PHACTR3: variants seen among roughly 807,000 people sequenced by gnomAD.
PHACTR3 encodes the protein phosphatase and actin regulator 3, also known as protein phosphatase 1, regulatory subunit 123.
A neutral mutation model predicts 66.8 loss-of-function variants in PHACTR3; 16 were observed. That is an observed-to-expected ratio of 0.24 (90% confidence interval 0.16 to 0.36). The LOEUF (loss-of-function observed/expected upper bound fraction) is 0.36, where lower values mean the gene tolerates loss of function less well. Ranked by LOEUF, PHACTR3 falls within the 10% of genes least tolerant of loss-of-function variation. The probability of loss-of-function intolerance (pLI) is 1.00; values close to 1 mark genes in which losing one functional copy is unlikely to be tolerated. For synonymous variants in PHACTR3, 323 were observed against 292.1 expected, an observed-to-expected ratio of 1.11 and a Z score of -1.08; for missense variants, 647 against 719.9, an observed-to-expected ratio of 0.90 and a Z score of 1.16.
intron 7 of PHACTR3, among the ~76,000 whole-genome samples, chr20:59,797,148 T>C (rs1196445651): frequency 6.6e-6 from 1 of 152,198 alleles, no homozygotes; most frequent in Non-Finnish European, 1.5e-5. Flanking sequence ...AATTATTTAT[T>C]GAATTCTTCA....
chr20:59,755,321 C>A lies in PHACTR3; in HGVS notation c.498C>A (p.Ser166=), dbSNP rs1460146428. The change falls in exon 4 of 13, where the codon TCC becomes TCA. Residue 166 remains serine (S), a synonymous_variant. Coordinates refer to ENST00000371015, the MANE Select transcript of PHACTR3 (RefSeq NM_080672.5). Reference sequence around the variant, plus strand: ...TGGCCACTGGGACGGACCAGGTCTCCCTGGACAAGCCACTGTCCTCAGCTG... The same window carrying A: ...TGGCCACTGGGACGGACCAGGTCTCACTGGACAAGCCACTGTCCTCAGCTG... The part of the protein sequence containing the change: ...SPLATGTDQV[S]LDKPLSSAAH... 1 of 1,612,582 alleles carries A rather than the reference C, an allele frequency of 6.2e-7. No homozygotes were observed. The highest frequency in any genetic ancestry group is 8.5e-7 in the Non-Finnish European group (1 of 1,179,920).
chr20:59,834,201 A>G (rs1334378731), intron 8 of PHACTR3, among the ~76,000 whole-genome samples: 1 of 152,026 alleles, frequency 6.6e-6, no homozygotes, highest in Non-Finnish European at 1.5e-5. Flanking sequence ...GGCTTCAGGG[A>G]TTTTTCATTT....
chr20:59,728,046 A>C (rs1251079425), intron 1 of PHACTR3, among the ~76,000 whole-genome samples: 3 of 152,158 alleles, frequency 2.0e-5, no homozygotes. Context: ...TATAGCACAA[A>C]ATTAACTATT....
Position 59,658,500 on chromosome 20 carries a change from AT to A in PHACTR3, c.118+53372del, listed in dbSNP as rs746162907. On this transcript the variant is annotated intron_variant, in intron 1 of 12. Coordinates refer to ENST00000371015, the MANE Select transcript of PHACTR3 (RefSeq NM_080672.5). ...ATGTGTTTTGTGACAGGAATAGGCT[AT>A]TTTAGTGTTTATTTCTACCCACAGT... Among the ~76,000 whole-genome samples, 106 of 152,156 alleles carry A rather than the reference AT, an allele frequency of 7.0e-4. 2 individuals carry two copies. Among genetic ancestry groups the A allele is most frequent in the Non-Finnish European group, 1.6e-4 (11 of 68,000 alleles).
In PHACTR3 at chr20:59,639,437, C is replaced by T. The variant is rs115440636; in HGVS notation, c.118+34305C>T. On this transcript the variant is annotated intron_variant, in intron 1 of 12. Transcript: ENST00000371015. ...TACAGTCAGGGGAAGGCTGTACTGACCACACAAAGTTCCAAGAGGGGACAA... is the reference window on the plus strand; with the variant it reads ...TACAGTCAGGGGAAGGCTGTACTGATCACACAAAGTTCCAAGAGGGGACAA... Among the ~76,000 whole-genome samples, 490 of 152,252 alleles carry T rather than the reference C, an allele frequency of 3.2e-3. 5 individuals are homozygous for T. The highest frequency in any genetic ancestry group is 0.011 in the African/African-American group (475 of 41,538).
intron 1 of PHACTR3, among the ~76,000 whole-genome samples, chr20:59,643,827 A>T (rs1367387905): frequency 3.3e-5 from 5 of 152,094 alleles, no homozygotes; most frequent in Non-Finnish European, 7.4e-5. Context: ...GGGGGTGGGG[A>T]TAGAAGGCCT....
At chr20:59,777,308 A>T (rs1013013390) in intron 7 of PHACTR3, among the ~76,000 whole-genome samples, 5 of 152,222 alleles carry the variant, frequency 3.3e-5, no homozygotes, top group African/African-American at 1.2e-4. Flanking sequence ...TCACTTTCAC[A>T]GGTTCTGGGG....
rs184293133 is a variant in PHACTR3, at chr20:59,582,133, G to A, written c.109+4516G>A. ...ATCCTCCCCCCGCCCGCCACCTTTC[G>A]CCCTTCCCCAGGGAAGCCACTGTTA... On this transcript the variant is annotated intron_variant, in intron 1 of 12. Coordinates refer to the PHACTR3 transcript ENST00000359926. Among the ~76,000 whole-genome samples, 861 of 152,216 alleles carry A rather than the reference G, an allele frequency of 5.7e-3. 29 individuals are homozygous for A. The highest frequency in any genetic ancestry group is 0.05 in the Admixed American group (763 of 15,290).
At chr20:59,622,981 C>CAAAAAAAAAAAAAAAACAAA (rs2034301300) in intron 1 of PHACTR3, among the ~76,000 whole-genome samples, 1 of 32,216 alleles carries the variant, frequency 3.1e-5, no homozygotes, top group African/African-American at 1.4e-4. Flanking sequence ...CAGCTTTAAC[C>CAAAAAAAAAAAAAAAACAAA]AAAAAAAAAA....
At chr20:59,734,843 T>C (rs947675487) in intron 1 of PHACTR3, among the ~76,000 whole-genome samples, 8 of 152,152 alleles carry the variant, frequency 5.3e-5, no homozygotes, top group African/African-American at 1.9e-4. Flanking sequence ...CAACCTCTAA[T>C]ACCCAACTCA....
At chr20:59,663,619 G>A (rs552020174) in intron 1 of PHACTR3, among the ~76,000 whole-genome samples, 14 of 152,318 alleles carry the variant, frequency 9.2e-5, no homozygotes, top group South Asian at 2.1e-4. Flanking sequence ...TTTTCATGGC[G>A]TGTCGACACC....
chr20:59,617,601 T>G (rs1006303066), intron 1 of PHACTR3, among the ~76,000 whole-genome samples: 14 of 152,160 alleles, frequency 9.2e-5, no homozygotes, highest in South Asian at 2.1e-4. Context: ...GTGAAATCTT[T>G]AGCAAGGAGG....
chr20:59,815,418 G>GTGTTT (rs2041857877), intron 8 of PHACTR3, among the ~76,000 whole-genome samples: 1 of 131,756 alleles, frequency 7.6e-6, no homozygotes, highest in Non-Finnish European at 1.6e-5. Context: ...TGGGGTTCTG[G>GTGTTT]TTTTTTTTTT....
chr20:59,657,654 T>C (rs190132112), intron 1 of PHACTR3, among the ~76,000 whole-genome samples: 50 of 152,294 alleles, frequency 3.3e-4, no homozygotes, highest in Non-Finnish European at 2.6e-4. Flanking sequence ...CTCCATTACT[T>C]CTGATAGAAG....
rs552461262 is a variant in PHACTR3 at position 59,780,487 on chromosome 20, A to AG, written c.1174+6001dup. On this transcript the variant is annotated intron_variant, in intron 7 of 12. Transcript: ENST00000371015. ...CTTCTATGTGTCCTCACATGGCAGA[A>AG]GGGGCCACAGAGCTCTCTAAGGCCC... Among the ~76,000 whole-genome samples the AG allele has an allele frequency of 5.2e-3, 794 of 152,304 alleles. 7 individuals are homozygous for AG. The highest frequency in any genetic ancestry group is 0.018 in the African/African-American group (761 of 41,564).
chr20:59,844,002 T>G (rs1385271438), intron 11 of PHACTR3: 1 of 151,956 alleles, frequency 6.6e-6, no homozygotes, highest in Admixed American at 6.6e-5. Flanking sequence ...CATTAGAAAG[T>G]AGACAAAAGA....
chr20:59,823,501 A>G (rs78506905), intron 8 of PHACTR3, among the ~76,000 whole-genome samples: 1 of 152,138 alleles, frequency 6.6e-6, no homozygotes, highest in African/African-American at 2.4e-5. Context: ...ACAATTTTAA[A>G]CCATACAGAT....
chr20:59,643,271 A>G (rs1001733199), intron 1 of PHACTR3, among the ~76,000 whole-genome samples: 8 of 152,214 alleles, frequency 5.3e-5, no homozygotes, highest in South Asian at 4.1e-4. Flanking sequence ...CACAGCATCA[A>G]TGCACACAGC....
intron 7 of PHACTR3, among the ~76,000 whole-genome samples, chr20:59,802,712 C>T (rs969309669): frequency 1.3e-5 from 2 of 152,158 alleles, no homozygotes; most frequent in Non-Finnish European, 2.9e-5. Context: ...GAGAAGGAGC[C>T]GGCATTTGCC....
Sources: allele counts gnomAD v4.1 joint callset (sites outside exome capture counted in the v4.1 genomes callset), GRCh38; gene constraint gnomAD v4.1.1; transcripts MANE v1.5; gene names NCBI Gene and HGNC (gene_info 2026-07-23, HGNC 2026-07-21).